Variants in KCTD16 observed in about 807,000 individuals in gnomAD.
KCTD16 encodes the protein BTB/POZ domain-containing protein KCTD16.
In KCTD16, 13 loss-of-function variants were observed where a neutral mutation model predicts 33.2. The ratio of observed to expected loss-of-function variants is 0.39; its 90% CI spans 0.25 to 0.62. The LOEUF (loss-of-function observed/expected upper bound fraction) is 0.62. KCTD16 is among the 20% of genes least tolerant of loss of function. The probability of loss-of-function intolerance (pLI) is 0.50; values close to 1 mark genes in which losing one functional copy is unlikely to be tolerated. For missense variants in KCTD16, 441 were observed against 525.1 expected (o/e 0.84, Z 1.57); for synonymous variants, 197 against 195.3 (o/e 1.01, Z -0.07).
chr5:144,239,221 A>G (rs185467466), intron 3 of KCTD16, among the ~76,000 whole-genome samples: 1 of 152,270 alleles, frequency 6.6e-6, no homozygotes, highest in East Asian at 1.9e-4. Context: ...CCATGATGCT[A>G]TGCAAGGGAA....
chr5:144,380,193 A>G (rs1234707181), intron 3 of KCTD16, among the ~76,000 whole-genome samples: 1 of 152,188 alleles, frequency 6.6e-6, no homozygotes, highest in Non-Finnish European at 1.5e-5. Context: ...CTTTACACCA[A>G]TAATGTCCAA....
intron 3 of KCTD16, among the ~76,000 whole-genome samples, chr5:144,418,171 G>A (rs912813683): frequency 6.6e-6 from 1 of 152,158 alleles, no homozygotes; most frequent in Non-Finnish European, 1.5e-5. Flanking sequence ...TTCTTGGCAA[G>A]TGTTACAGCT....
At chr5:144,368,168 C>T (rs1751881767) in intron 3 of KCTD16, among the ~76,000 whole-genome samples, 3 of 151,816 alleles carry the variant, frequency 2.0e-5, no homozygotes, top group Admixed American at 2.0e-4. Context: ...AATTTTGGTC[C>T]CTTTGACCTT....
In KCTD16 at chr5:144,430,139, GTT is replaced by G. The variant is rs570736409; in HGVS notation, c.833-43516_833-43515del. On this transcript the variant is annotated intron_variant, in intron 3 of 3. Transcript: ENST00000512467. ...CTGTGTAAGCCCTTGTGTGGTCATT[GTT>G]TTTTCTTAACAAAGCAAGTCAACAA... is the stretch of plus-strand genomic sequence containing the variant. Among the ~76,000 whole-genome samples, 170 of 152,154 alleles carry G rather than the reference GTT, an allele frequency of 1.1e-3. 1 individual carries two copies. The highest frequency in any genetic ancestry group is 4.0e-3 in the African/African-American group (165 of 41,540).
In KCTD16 at chr5:144,207,472, C is replaced by T. The variant is rs750023878; in HGVS notation, c.758C>T (p.Ser253Leu). The T allele has an allele frequency of 5.6e-6, 9 of 1,614,030 alleles. No homozygotes were observed. Among genetic ancestry groups the T allele is most frequent in the Non-Finnish European group, 7.6e-6 (9 of 1,180,016 alleles). Residue 253 changes from serine to leucine, a missense_variant, in exon 3 of 4, where the codon TCG becomes TTG. Ser to Leu is a moderately radical substitution (Grantham distance 145, BLOSUM62 -2). Around this residue, in one of 3 missense-constraint regions of KCTD16, gnomAD observed 355 missense variants for 413.0 expected, o/e 0.86. Coordinates refer to ENST00000512467, the MANE Select transcript of KCTD16 (RefSeq NM_020768.4). ...CGFHMVACNS[S>L]VTASFINQYT... Reference sequence around the variant, plus strand: ...TTCCACATGGTGGCCTGTAACTCATCGGTGACAGCATCTTTCATCAACCAA... The same window carrying T: ...TTCCACATGGTGGCCTGTAACTCATTGGTGACAGCATCTTTCATCAACCAA...
Position 144,307,927 on chromosome 5 carries a change from G to C in KCTD16, c.832+100381G>C, listed in dbSNP as rs138051246. 4.6e-5 allele frequency among the ~76,000 whole-genome samples: 7 copies of C among 152,268 alleles called. No individual in the cohort carries two copies. In the East Asian group the frequency reaches 1.2e-3, roughly 25 times the overall value. ...ATCTTGGCCCAGCCGTGTGGTAGCTGAACAAAGGTGATGTGTTGGATGCAT... is the reference window on the plus strand; with the variant it reads ...ATCTTGGCCCAGCCGTGTGGTAGCTCAACAAAGGTGATGTGTTGGATGCAT... On this transcript the variant is annotated intron_variant, in intron 3 of 3. Transcript: ENST00000512467.
intron 2 of KCTD16, among the ~76,000 whole-genome samples, chr5:144,202,745 G>A (rs960626585): frequency 2.0e-5 from 3 of 152,164 alleles, no homozygotes; most frequent in Non-Finnish European, 4.4e-5. Flanking sequence ...ATATAATTGT[G>A]CAAAACAGGA....
At chr5:144,280,738 C>G (rs1040085598) in intron 3 of KCTD16, among the ~76,000 whole-genome samples, 1 of 152,208 alleles carries the variant, frequency 6.6e-6, no homozygotes, top group African/African-American at 2.4e-5. Flanking sequence ...TCCTGGCTAA[C>G]ATGGTGAAAC....
rs1754614536 is a variant in KCTD16 at position 144,477,258 on chromosome 5, A to G, written c.*3144A>G. The G allele has an allele frequency of 6.6e-6, 1 of 152,158 alleles. No individual in the cohort carries two copies. Among genetic ancestry groups the G allele is most frequent in the Admixed American group, 6.6e-5 (1 of 15,262 alleles). 9.4% of individuals were successfully genotyped at this position (152,158 alleles called of 1,614,324 possible). ...AAATTGCACTGAAATGCTGACAAAA[A>G]ATAATGAAATGAAGTGGCTTCCAAA... is the stretch of plus-strand genomic sequence containing the variant. On this transcript the variant is annotated 3_prime_UTR_variant, in exon 4 of 4. Transcript: ENST00000512467.
chr5:144,367,403 CT>C (rs1751861508), intron 3 of KCTD16, among the ~76,000 whole-genome samples: 1 of 152,130 alleles, frequency 6.6e-6, no homozygotes, highest in Non-Finnish European at 1.5e-5. Flanking sequence ...TGTGAGATTC[CT>C]TTGTACCCTT....
At chr5:144,269,499 T>C (rs1214976385) in intron 3 of KCTD16, among the ~76,000 whole-genome samples, 1 of 152,086 alleles carries the variant, frequency 6.6e-6, no homozygotes, top group Non-Finnish European at 1.5e-5. Flanking sequence ...AAAACTGTCC[T>C]TCAAAAGTGA....
intron 3 of KCTD16, among the ~76,000 whole-genome samples, chr5:144,460,096 T>C (rs1211826189): frequency 6.6e-6 from 1 of 152,154 alleles, no homozygotes; most frequent in Admixed American, 6.5e-5. Flanking sequence ...CCTCCCAAAG[T>C]GCTGGGATTA....
At chr5:144,182,150 A>G (rs545318065) in intron 2 of KCTD16, among the ~76,000 whole-genome samples, 2 of 151,750 alleles carry the variant, frequency 1.3e-5, no homozygotes, top group African/African-American at 2.4e-5. Context: ...TGATGCTGTT[A>G]TCGCAGGATT....
At chr5:144,236,966 A>G (rs541886624) in intron 3 of KCTD16, among the ~76,000 whole-genome samples, 11 of 152,210 alleles carry the variant, frequency 7.2e-5, no homozygotes, top group Non-Finnish European at 1.2e-4. Flanking sequence ...CTGCTTCCCA[A>G]TTGAAAAATG....
rs192829501 is a variant in KCTD16 at position 144,310,606 on chromosome 5, T to A, written c.832+103060T>A. Among the ~76,000 whole-genome samples the A allele has an allele frequency of 1.9e-3, 294 of 151,764 alleles. 4 individuals are homozygous for A. The highest frequency in any genetic ancestry group is 2.5e-3 in the South Asian group (12 of 4,810). On this transcript the variant is annotated intron_variant, in intron 3 of 3. Transcript: ENST00000512467. The stretch of plus-strand genomic sequence containing the variant: ...TATATTTTTTTTGATATATATATAT[T>A]TTTTGATCAATAATATTAATCAAAA...
At chr5:144,317,187 C>G (rs1234667540) in intron 3 of KCTD16, among the ~76,000 whole-genome samples, 1 of 151,890 alleles carries the variant, frequency 6.6e-6, no homozygotes. Flanking sequence ...TTTTGGCAAC[C>G]AAGTCTTCAA....
chr5:144,376,288 T>C (rs1343126457), intron 3 of KCTD16, among the ~76,000 whole-genome samples: 1 of 152,204 alleles, frequency 6.6e-6, no homozygotes, highest in African/African-American at 2.4e-5. Flanking sequence ...CATTGTATAC[T>C]TTATTTATGA....
At chr5:144,257,705 TC>T (rs1215267596) in intron 3 of KCTD16, among the ~76,000 whole-genome samples, 1 of 152,150 alleles carries the variant, frequency 6.6e-6, no homozygotes, top group Non-Finnish European at 1.5e-5. Flanking sequence ...GCCAGGATGG[TC>T]TCGATCTCCT....
intron 3 of KCTD16, among the ~76,000 whole-genome samples, chr5:144,339,869 G>C (rs1346523063): frequency 6.6e-6 from 1 of 152,184 alleles, no homozygotes; most frequent in Non-Finnish European, 1.5e-5. Flanking sequence ...CCAGGACCAG[G>C]CTGCAATGGA....
Sources: gnomAD v4.1 joint callset for allele counts (sites outside exome capture counted in the v4.1 genomes callset) on GRCh38, gnomAD v4.1.1 for gene constraint, gnomAD v4.1.1 regional missense constraint, MANE v1.5 for transcripts, NCBI Gene and HGNC (gene_info 2026-07-23, HGNC 2026-07-21) for gene names.